Variants in ETFA observed in about 807,000 individuals in gnomAD.
ETFA encodes electron transfer flavoprotein subunit alpha, also known as electron transfer flavoprotein subunit alpha, mitochondrial.
ETFA carries 22 observed loss-of-function variants against 46.2 expected under a neutral mutation model. The observed-to-expected ratio is 0.48, with a 90% CI of 0.34 to 0.68. The LOEUF is 0.68. Ranked by LOEUF, ETFA falls within the 30% of genes least tolerant of loss-of-function variation. ETFA has a pLI of 0.01. For synonymous variants in ETFA, 131 were observed against 139.9 expected (o/e 0.94, Z 0.45); for missense variants, 345 against 401.1 (o/e 0.86, Z 1.19).
At chr15:76,249,626 A>G (rs2039278747) in intron 9 of ETFA, among the ~76,000 whole-genome samples, 1 of 151,276 alleles carries the variant, frequency 6.6e-6, no homozygotes, top group Non-Finnish European at 1.5e-5. Context: ...TATTTTTAGT[A>G]GAGACGGGGT....
At chr15:76,253,000 A>T (rs923076368) in intron 9 of ETFA, among the ~76,000 whole-genome samples, 4 of 151,604 alleles carry the variant, frequency 2.6e-5, no homozygotes, top group Non-Finnish European at 5.9e-5. Context: ...TACAGTCTCT[A>T]ACTGCTGGCC....
intron 11 of ETFA, among the ~76,000 whole-genome samples, chr15:76,218,835 TAG>T (rs773632244): frequency 1.8e-4 from 27 of 152,106 alleles, no homozygotes; most frequent in Non-Finnish European, 3.1e-4. Context: ...TTCCTCCAGG[TAG>T]TACTAAGGGA....
At chr15:76,311,110 C>G (rs2039993419) in intron 1 of ETFA, among the ~76,000 whole-genome samples, 1 of 152,206 alleles carries the variant, frequency 6.6e-6, no homozygotes, top group Non-Finnish European at 1.5e-5. Flanking sequence ...AGCAGACGCG[C>G]AAATTCACAT....
intron 2 of ETFA, among the ~76,000 whole-genome samples, chr15:76,295,356 T>C (rs2039807281): frequency 1.3e-5 from 2 of 152,206 alleles, no homozygotes; most frequent in African/African-American, 4.8e-5. Flanking sequence ...TGATGGCACA[T>C]GATGGTGCCA....
chr15:76,261,181 C>G, intron 9 of ETFA: 2 of 1,536,354 alleles, frequency 1.3e-6, no homozygotes, highest in South Asian at 2.3e-5. Context: ...CTTCGTAGTT[C>G]CTCTCCACCA....
rs1298665818 is a variant in ETFA, at chr15:76,283,747, A to G, written c.733+10T>C. The G allele has an allele frequency of 1.9e-6, 3 of 1,561,402 alleles. No homozygotes were observed. Among genetic ancestry groups the G allele is most frequent in the East Asian group, 4.5e-5 (2 of 44,546 alleles). Reference sequence around the variant, plus strand: ...AGGGAATATCTTTCTACTAAGGAAAATAACTTTACCTGCAGCATGTAGTTG... The same window carrying G: ...AGGGAATATCTTTCTACTAAGGAAAGTAACTTTACCTGCAGCATGTAGTTG... On this transcript the variant is annotated intron_variant, in intron 8 of 11. Coordinates refer to ENST00000557943, the MANE Select transcript of ETFA (RefSeq NM_000126.4).
intron 9 of ETFA, among the ~76,000 whole-genome samples, chr15:76,272,936 CATG>C (rs763682846): frequency 2.0e-4 from 31 of 151,866 alleles, no homozygotes; most frequent in Admixed American, 1.1e-3. Context: ...AAACAGGCCA[CATG>C]ATGATGTGAC....
At chr15:76,265,039 G>A (rs779409391) in intron 9 of ETFA, among the ~76,000 whole-genome samples, 23 of 152,300 alleles carry the variant, frequency 1.5e-4, no homozygotes, top group South Asian at 2.1e-4. Flanking sequence ...AGGCATATCC[G>A]GCACAGCCAG....
intron 9 of ETFA, among the ~76,000 whole-genome samples, chr15:76,234,573 C>G (rs758885146): frequency 6.6e-6 from 1 of 151,876 alleles, no homozygotes; most frequent in Non-Finnish European, 1.5e-5. Context: ...TGGTGGGGGA[C>G]GGTGGGGATT....
At chr15:76,259,080 G>A (rs897908220) in intron 9 of ETFA, 3 of 1,574,662 alleles carry the variant, frequency 1.9e-6, no homozygotes, top group Admixed American at 1.7e-5. Flanking sequence ...TGCCTGCCCT[G>A]GCTGCTCAGC....
chr15:76,225,532 G>A (rs993134797), intron 11 of ETFA, among the ~76,000 whole-genome samples: 2 of 151,980 alleles, frequency 1.3e-5, no homozygotes, highest in South Asian at 2.1e-4. Flanking sequence ...CTCATGATCC[G>A]CCCGCCTCCG....
chr15:76,295,414 T>C (rs2039807960), intron 2 of ETFA, among the ~76,000 whole-genome samples, 177 bp downstream of exon 2: 1 of 152,228 alleles, frequency 6.6e-6, no homozygotes, highest in South Asian at 2.1e-4. Context: ...ATAAAATGCT[T>C]AGGGAAGAAA....
chr15:76,258,948 G>A, intron 9 of ETFA: 7 of 1,447,518 alleles, frequency 4.8e-6, no homozygotes, highest in Non-Finnish European at 6.8e-6. Context: ...GTGGCCATCA[G>A]AGCCAGCCAA....
intron 9 of ETFA, among the ~76,000 whole-genome samples, chr15:76,270,986 A>G (rs773240425): frequency 4.6e-5 from 7 of 152,138 alleles, no homozygotes; most frequent in Non-Finnish European, 8.8e-5. Context: ...CCTAGCCAAT[A>G]TGGCAAAACC....
chr15:76,299,396 A>G (rs909451702), intron 1 of ETFA, among the ~76,000 whole-genome samples: 2 of 152,126 alleles, frequency 1.3e-5, no homozygotes, highest in African/African-American at 4.8e-5. Flanking sequence ...CGTTCCTCCC[A>G]TCTCAGCCTC....
chr15:76,298,498 T>C (rs1194940073), intron 1 of ETFA, among the ~76,000 whole-genome samples: 2 of 152,204 alleles, frequency 1.3e-5, no homozygotes, highest in Admixed American at 1.3e-4. Context: ...CTAACATTGA[T>C]GGAGCACTGT....
chr15:76,261,406 C>A, intron 9 of ETFA: 1 of 1,302,960 alleles, frequency 7.7e-7, no homozygotes, highest in Non-Finnish European at 1.1e-6. Flanking sequence ...GCTGAGGAAG[C>A]CGATCCAGTG....
At chr15:76,304,869 C>A (rs1356262622) in intron 1 of ETFA, among the ~76,000 whole-genome samples, 1 of 151,798 alleles carries the variant, frequency 6.6e-6, no homozygotes, top group Admixed American at 6.6e-5. Flanking sequence ...ATGGTGAAAC[C>A]CCGTCTCTAC....
intron 1 of ETFA, among the ~76,000 whole-genome samples, chr15:76,303,211 G>A (rs962672274): frequency 3.9e-5 from 6 of 152,228 alleles, no homozygotes; most frequent in Admixed American, 1.3e-4. Flanking sequence ...CGAAGGCTGC[G>A]GCAGGAGAAT....
Sources: allele counts gnomAD v4.1 joint callset (sites outside exome capture counted in the v4.1 genomes callset), GRCh38; gene constraint gnomAD v4.1.1; transcripts MANE v1.5; gene names NCBI Gene and HGNC (gene_info 2026-07-23, HGNC 2026-07-21).